The following ELP3 variants were observed in gnomAD, a reference collection of about 807,000 sequenced individuals.
The protein encoded by ELP3 is elongator acetyltransferase complex subunit 3.
Under a neutral mutation model 74.9 loss-of-function variants are expected in ELP3, and 56 were observed. The ratio of observed to expected loss-of-function variants is 0.75; its 90% CI spans 0.60 to 0.93. The LOEUF is 0.93. ELP3 is among the 40% of genes least tolerant of loss of function. The probability of loss-of-function intolerance (pLI) is 0.00; values close to 1 mark genes in which losing one functional copy is unlikely to be tolerated. For synonymous variants in ELP3, 222 were observed against 239.8 expected (o/e 0.93, Z 0.68); for missense variants, 573 against 686.5 (o/e 0.83, Z 1.85).
At chr8:28,099,772 G>T (rs1439063892) in intron 2 of ELP3, 56 bp from the exon 3 acceptor site, 9 of 1,594,576 alleles carry the variant, frequency 5.6e-6, no homozygotes, top group Non-Finnish European at 7.7e-6. Context: ...TCATCCTCTT[G>T]GTAGCTTGTC....
intron 10 of ELP3, among the ~76,000 whole-genome samples, chr8:28,148,493 A>G (rs1813516496): frequency 1.3e-5 from 2 of 152,202 alleles, no homozygotes; most frequent in Non-Finnish European, 2.9e-5. Context: ...GCCTCTGGTC[A>G]TGAGGAAACA....
intron 7 of ELP3, among the ~76,000 whole-genome samples, chr8:28,127,318 C>A (rs964784612): frequency 1.3e-5 from 2 of 152,132 alleles, no homozygotes; most frequent in African/African-American, 4.8e-5. Flanking sequence ...TAGTTTTTCC[C>A]AGTGATGTAA....
At chr8:28,095,490 G>A (rs1811217074) in intron 1 of ELP3, among the ~76,000 whole-genome samples, 1 of 152,086 alleles carries the variant, frequency 6.6e-6, no homozygotes, top group Non-Finnish European at 1.5e-5. Flanking sequence ...TACCTCTGTT[G>A]CATGGCCCCT....
chr8:28,099,747 G>T lies in ELP3; in HGVS notation c.120-81G>T, dbSNP rs896478132. On this transcript the variant is annotated intron_variant, in intron 2 of 14. Transcript: ENST00000256398. Reference sequence around the variant, plus strand: ...GGATTGGAGAGTGACAGTTGTTAATGATGTTGTTTATAGATCATCCTCTTG... The same window carrying T: ...GGATTGGAGAGTGACAGTTGTTAATTATGTTGTTTATAGATCATCCTCTTG... 32 of 1,482,428 alleles carry T rather than the reference G, an allele frequency of 2.2e-5. No homozygotes were observed. The African/African-American group carries it at 3.4e-4, about 16-fold the overall frequency. The allele number at this position is 1,482,428 out of a possible 1,614,324, so 91.8% of individuals were successfully genotyped here. A position where few individuals can be genotyped will look rare whatever the true frequency, so the allele number is the denominator to read the frequency against.
chr8:28,145,034 C>T (rs1203293339), intron 10 of ELP3, among the ~76,000 whole-genome samples: 1 of 151,394 alleles, frequency 6.6e-6, no homozygotes, highest in Non-Finnish European at 1.5e-5. Flanking sequence ...AGTGAGACTC[C>T]ATCTCAAAAA....
At chr8:28,145,226 G>A (rs760950437) in intron 10 of ELP3, among the ~76,000 whole-genome samples, 1 of 152,132 alleles carries the variant, frequency 6.6e-6, no homozygotes, top group African/African-American at 2.4e-5. Context: ...AGACTCATGG[G>A]GATTTTACTC....
At chr8:28,120,299 C>T (rs1475737664) in intron 7 of ELP3, among the ~76,000 whole-genome samples, 1 of 152,096 alleles carries the variant, frequency 6.6e-6, no homozygotes, top group Non-Finnish European at 1.5e-5. Flanking sequence ...AATGGTATCT[C>T]GTGGTTTTAG....
intron 14 of ELP3, among the ~76,000 whole-genome samples, chr8:28,166,744 C>T (rs1455984176): frequency 2.6e-5 from 4 of 152,194 alleles, no homozygotes; most frequent in Non-Finnish European, 4.4e-5. Context: ...TGTACCATTT[C>T]CAAAAGGGCA....
Position 28,180,217 on chromosome 8 carries a change from A to T in ELP3, c.1568-9432A>T, listed in dbSNP as rs919107186. Among the ~76,000 whole-genome samples the T allele has an allele frequency of 3.3e-5, 5 of 151,866 alleles. No homozygotes were observed. The East Asian group carries it at 9.7e-4, about 29-fold the overall frequency. On this transcript the variant is annotated intron_variant, in intron 14 of 14. Coordinates refer to ENST00000256398, the MANE Select transcript of ELP3 (RefSeq NM_018091.6). Reference sequence around the variant, plus strand: ...TGCAGCCTCTAACACATGCATATTGACTCTATCCCATTCTCCCTCACCTCT... The same window carrying T: ...TGCAGCCTCTAACACATGCATATTGTCTCTATCCCATTCTCCCTCACCTCT...
chr8:28,154,275 A>G (rs12548074), intron 10 of ELP3, among the ~76,000 whole-genome samples: 44,686 of 152,078 alleles, frequency 0.29, 6,986 homozygotes, highest in East Asian at 0.57. Flanking sequence ...TTAGGGGCTC[A>G]CAGGAACCTA....
intron 7 of ELP3, among the ~76,000 whole-genome samples, chr8:28,115,031 C>T (rs1465682556): frequency 6.6e-6 from 1 of 152,034 alleles, no homozygotes; most frequent in African/African-American, 2.4e-5. Context: ...AGGGATCAAG[C>T]CTGACACTAA....
intron 14 of ELP3, among the ~76,000 whole-genome samples, chr8:28,178,570 C>G (rs1008936135): frequency 6.6e-6 from 1 of 152,118 alleles, no homozygotes; most frequent in Non-Finnish European, 1.5e-5. Context: ...ACGATTTATC[C>G]GTCTTAACTC....
At chr8:28,180,069 CTG>C (rs1411003255) in intron 14 of ELP3, among the ~76,000 whole-genome samples, 2 of 152,068 alleles carry the variant, frequency 1.3e-5, no homozygotes, top group African/African-American at 4.8e-5. Context: ...TTCTTTCAGA[CTG>C]TCTTGGTTTT....
At chr8:28,181,130 T>C (rs563071772) in intron 14 of ELP3, among the ~76,000 whole-genome samples, 2 of 152,362 alleles carry the variant, frequency 1.3e-5, no homozygotes, top group South Asian at 2.1e-4. Context: ...TAACAGTCTC[T>C]GATACTTTCC....
chr8:28,092,529 C>A (rs555614750), upstream of ELP3, among the ~76,000 whole-genome samples: 36 of 152,154 alleles, frequency 2.4e-4, no homozygotes, highest in African/African-American at 8.4e-4. Flanking sequence ...TGAGCCACTG[C>A]GCCCGGCCCT....
At chr8:28,114,644 C>T (rs1288781766) in intron 7 of ELP3, among the ~76,000 whole-genome samples, 1 of 152,134 alleles carries the variant, frequency 6.6e-6, no homozygotes, top group African/African-American at 2.4e-5. Flanking sequence ...TCCCACCAGG[C>T]CACACCTCCA....
chr8:28,149,431 C>A (rs1813558214), intron 10 of ELP3, among the ~76,000 whole-genome samples: 1 of 152,148 alleles, frequency 6.6e-6, no homozygotes, highest in African/African-American at 2.4e-5. Flanking sequence ...GGGACTTTGT[C>A]CATTTCATCT....
At chr8:28,173,544 T>G (rs984238729) in intron 14 of ELP3, among the ~76,000 whole-genome samples, 31 of 138,610 alleles carry the variant, frequency 2.2e-4, no homozygotes, top group Non-Finnish European at 4.3e-4. Flanking sequence ...GAATGAACTT[T>G]TGATTTTGAT....
chr8:28,109,275 C>T (rs1227902235), intron 5 of ELP3, among the ~76,000 whole-genome samples: 2 of 152,160 alleles, frequency 1.3e-5, no homozygotes, highest in African/African-American at 2.4e-5. Flanking sequence ...GAAGGAGTCA[C>T]CCTCCTCAGA....
Sources: allele counts gnomAD v4.1 joint callset (sites outside exome capture counted in the v4.1 genomes callset), GRCh38; gene constraint gnomAD v4.1.1; transcripts MANE v1.5; gene names NCBI Gene and HGNC (gene_info 2026-07-23, HGNC 2026-07-21).